POLR1B: variants seen among roughly 807,000 people sequenced by gnomAD.
POLR1B encodes DNA-directed RNA polymerase I subunit RPA2.
Under a neutral mutation model 105.8 loss-of-function variants are expected in POLR1B, and 30 were observed. The observed-to-expected ratio is 0.28, with a 90% CI of 0.21 to 0.38. The LOEUF is 0.38. POLR1B is among the 10% of genes least tolerant of loss of function. The pLI, the probability that POLR1B is intolerant of heterozygous loss-of-function variation, is 1.00. For missense variants in POLR1B, 976 were observed against 1,435.8 expected (o/e 0.68, Z 5.17); for synonymous variants, 485 against 505.1 (o/e 0.96, Z 0.53).
In POLR1B at chr2:112,570,829, A is replaced by G. The variant is rs59587168; in HGVS notation, c.2075-1733A>G. On this transcript the variant is annotated intron_variant, in intron 12 of 14. Coordinates refer to ENST00000263331, the MANE Select transcript of POLR1B (RefSeq NM_019014.6). ...GGTATCGCTCTGTCACCCAGGCTGG[A>G]GTGCAGTGGCACGATCTTGGCTCAC... Among the ~76,000 whole-genome samples the G allele has an allele frequency of 7.1e-3, 1,030 of 145,414 alleles. 14 individuals are homozygous for G. Among genetic ancestry groups the G allele is most frequent in the African/African-American group, 0.025 (976 of 38,902 alleles).
Position 112,576,344 on chromosome 2 carries a change from G to A in POLR1B, c.*615G>A, listed in dbSNP as rs1684855475. The stretch of plus-strand genomic sequence containing the variant: ...TTTTTTGCTTTTTGGTTGCTGTTGA[G>A]TTTTTGTTTTGTCTTCTGTGGTAAG... On this transcript the variant is annotated 3_prime_UTR_variant, in exon 15 of 15. Coordinates refer to ENST00000263331, the MANE Select transcript of POLR1B (RefSeq NM_019014.6). 6.6e-6 allele frequency: 1 copy of A among 152,270 alleles called. No individual in the cohort carries two copies. Among genetic ancestry groups the A allele is most frequent in the East Asian group, 1.9e-4 (1 of 5,196 alleles). The allele number at this position is 152,270 out of a possible 1,614,324, so 9.4% of individuals were successfully genotyped here.
intron 1 of POLR1B, among the ~76,000 whole-genome samples, chr2:112,544,363 C>T (rs1682926266): frequency 1.3e-5 from 2 of 151,952 alleles, no homozygotes; most frequent in Admixed American, 1.3e-4. Context: ...ACCTGGGAGG[C>T]GGAGGTTGCA....
At chr2:112,560,010 C>G (rs1246525814) in intron 9 of POLR1B, among the ~76,000 whole-genome samples, 4 of 151,966 alleles carry the variant, frequency 2.6e-5, no homozygotes, top group African/African-American at 9.7e-5. Flanking sequence ...TTCTTTTTTA[C>G]TCTTCTGTGC....
chr2:112,542,597 T>C lies in POLR1B; in HGVS notation c.103T>C (p.Leu35=). 1 of 1,614,174 alleles carries C rather than the reference T, an allele frequency of 6.2e-7. No individual in the cohort carries two copies. Among genetic ancestry groups the C allele is most frequent in the Non-Finnish European group, 8.5e-7 (1 of 1,180,040 alleles). Residue 35 remains leucine (L), a synonymous_variant, in exon 1 of 15, where the codon TTG becomes CTG. Transcript: ENST00000263331. Reference sequence around the variant, plus strand: ...CCCGCGGGAACAGCAAAAGGCAGCGTTGCAGGAGCTGACGCGGGCGCACGT... The same window carrying C: ...CCCGCGGGAACAGCAAAAGGCAGCGCTGCAGGAGCTGACGCGGGCGCACGT... ...GIPREQQKAA[L]QELTRAHVES...
chr2:112,555,942 G>T (rs1362932213), intron 7 of POLR1B, among the ~76,000 whole-genome samples: 1 of 152,056 alleles, frequency 6.6e-6, no homozygotes, highest in East Asian at 1.9e-4. Flanking sequence ...CATATTTTCT[G>T]TATTATTGTA....
At chr2:112,552,173 A>G (rs1467806428) in intron 6 of POLR1B, among the ~76,000 whole-genome samples, 175 bp downstream of exon 6, 1 of 151,966 alleles carries the variant, frequency 6.6e-6, no homozygotes, top group Non-Finnish European at 1.5e-5. Context: ...CCTCACTTGT[A>G]TTTTTTTAGT....
rs1221356929 is a variant in POLR1B at position 112,542,612 on chromosome 2, C to G, written c.118C>G (p.Arg40Gly). The change falls in exon 1 of 15, where the codon CGG (arginine) becomes GGG (glycine). Residue 40 changes from arginine to glycine, a missense_variant. This residue lies in a region of POLR1B where 452 missense variants were observed against 616.5 expected (regional missense o/e 0.73). Coordinates refer to ENST00000263331, the MANE Select transcript of POLR1B (RefSeq NM_019014.6). ...QQKAALQELT[R>G]AHVESFNYAV... ...AAAGGCAGCGTTGCAGGAGCTGACGCGGGCGCACGTGGAGTCCTTCAACTA... is the reference window on the plus strand; with the variant it reads ...AAAGGCAGCGTTGCAGGAGCTGACGGGGGCGCACGTGGAGTCCTTCAACTA... The G allele has an allele frequency of 6.2e-7, 1 of 1,614,144 alleles. No individual in the cohort carries two copies. The highest frequency in any genetic ancestry group is 8.5e-7 in the Non-Finnish European group (1 of 1,180,038).
chr2:112,555,785 A>C (rs1221068259), intron 7 of POLR1B, among the ~76,000 whole-genome samples: 1 of 152,252 alleles, frequency 6.6e-6, no homozygotes, highest in East Asian at 1.9e-4. Flanking sequence ...CTTACCAGCT[A>C]CGTTAAAGCT....
rs574886861 is a variant in POLR1B, at chr2:112,576,122, A to G, written c.*393A>G. 7 of 165,892 alleles carry G rather than the reference A, an allele frequency of 4.2e-5. No individual in the cohort carries two copies. Among genetic ancestry groups the G allele is most frequent in the Non-Finnish European group, 7.9e-5 (6 of 76,384 alleles). The allele number at this position is 165,892 out of a possible 1,614,324, so 10.3% of individuals were successfully genotyped here. ...AGAATGCAAGCTGTAATGTAATTTT[A>G]TATTTTCTTATAGCCACGTTGAAGT... On this transcript the variant is annotated 3_prime_UTR_variant, in exon 15 of 15. Coordinates refer to ENST00000263331, the MANE Select transcript of POLR1B (RefSeq NM_019014.6).
intron 12 of POLR1B, among the ~76,000 whole-genome samples, chr2:112,571,598 C>T (rs6756251): frequency 0.22 from 34,182 of 152,030 alleles, 4,025 homozygotes; most frequent in Middle Eastern, 0.27. Flanking sequence ...CCCATGCATG[C>T]ATAGTTCAGG....
chr2:112,563,615 C>T (rs1420748803), intron 9 of POLR1B, among the ~76,000 whole-genome samples: 1 of 152,122 alleles, frequency 6.6e-6, no homozygotes, highest in Admixed American at 6.5e-5. Flanking sequence ...GAAACCATTT[C>T]TGCTGGGCAC....
At position 112,575,028 on chromosome 2, in the gene POLR1B, C is replaced by T. The variant is rs1173412747; in HGVS notation, c.2707C>T (p.Pro903Ser). 6.2e-7 allele frequency: 1 copy of T among 1,614,036 alleles called. No homozygotes were observed. Among genetic ancestry groups the T allele is most frequent in the South Asian group, 1.1e-5 (1 of 91,086 alleles). Residue 903 changes from proline to serine, a missense_variant, in exon 15 of 15, where the codon CCT (proline) becomes TCT (serine). Pro to Ser is a moderately conservative substitution (Grantham distance 74, BLOSUM62 -1). Around this residue, in one of 12 missense-constraint regions of POLR1B, gnomAD observed 35 missense variants for 102.5 expected, o/e 0.34. Transcript: ENST00000263331. The surrounding 1 kb of genome is among the most constrained non-coding windows in gnomAD (Gnocchi z 5.3). ...LSRLWPAEDM[P>S]FTESGMVPDI... is the part of the protein sequence containing the mutation. The stretch of plus-strand genomic sequence containing the variant: ...CAGATTGTGGCCGGCTGAGGACATG[C>T]CTTTTACTGAGAGTGGGATGGTCCC...
rs183736497 is a variant in POLR1B at position 112,558,967 on chromosome 2, G to A, written c.1331-326G>A. On this transcript the variant is annotated intron_variant, in intron 8 of 14. Transcript: ENST00000263331. ...GTTACTGTTGCCGATTCTTTCATTA[G>A]CCTGCTTTCTTGCTTGTCTATTATC... 4.1e-3 allele frequency among the ~76,000 whole-genome samples: 604 copies of A among 147,822 alleles called. 4 individuals carry two copies. The highest frequency in any genetic ancestry group is 0.01 in the Middle Eastern group (3 of 290).
At chr2:112,553,183 G>A (rs569148383) in intron 7 of POLR1B, among the ~76,000 whole-genome samples, 3 of 152,170 alleles carry the variant, frequency 2.0e-5, no homozygotes, top group Non-Finnish European at 4.4e-5. Context: ...GTGCTTTCAT[G>A]ATTATTCACA....
At chr2:112,546,518 TGAAGTTATGAGTA>T (rs1466482111) in intron 1 of POLR1B, among the ~76,000 whole-genome samples, 1 of 148,826 alleles carries the variant, frequency 6.7e-6, no homozygotes, top group African/African-American at 2.5e-5. Flanking sequence ...AAGTATTTAG[TGAAGTTATGAGTA>T]GACTGGAGGT....
chr2:112,549,077 T>C (rs1683222100), intron 3 of POLR1B, among the ~76,000 whole-genome samples, 190 bp from the exon 4 acceptor site: 1 of 152,238 alleles, frequency 6.6e-6, no homozygotes, highest in Non-Finnish European at 1.5e-5. Flanking sequence ...AGGACCTTTG[T>C]AATATACTTG....
Position 112,575,143 on chromosome 2 carries a change from A to G in POLR1B, c.2822A>G (p.His941Arg). The G allele has an allele frequency of 6.2e-7, 1 of 1,614,140 alleles. No individual in the cohort carries two copies. Among genetic ancestry groups the G allele is most frequent in the Non-Finnish European group, 8.5e-7 (1 of 1,180,032 alleles). Residue 941 changes from histidine to arginine, a missense_variant, in exon 15 of 15, where the codon CAT becomes CGT. Physicochemically the swap from His to Arg is conservative, Grantham distance 29 (BLOSUM62 0). Coordinates refer to ENST00000263331, the MANE Select transcript of POLR1B (RefSeq NM_019014.6). The surrounding 1 kb of genome is among the most constrained non-coding windows in gnomAD (Gnocchi z 5.3). ...ESMAGKSAAL[H>R]GLCHDATPFI... ...ATGGCCGGGAAGTCTGCAGCTTTGC[A>G]TGGTCTCTGCCATGATGCTACACCC...
intron 1 of POLR1B, among the ~76,000 whole-genome samples, chr2:112,546,640 C>T (rs1405091293): frequency 7.2e-6 from 1 of 138,640 alleles, no homozygotes; most frequent in African/African-American, 2.7e-5. Flanking sequence ...CTGCTCACTG[C>T]AGGCTCTGCC....
chr2:112,545,715 C>T, intron 1 of POLR1B: 1 of 208,862 alleles, frequency 4.8e-6, no homozygotes, highest in South Asian at 5.0e-5. Context: ...TTATAGCTCA[C>T]TGCAGCCTCG....
Sources: gnomAD v4.1 joint callset for allele counts (sites outside exome capture counted in the v4.1 genomes callset) on GRCh38, gnomAD v4.1.1 for gene constraint, gnomAD v4.1.1 regional missense constraint, Gnocchi (gnomAD v3.1) non-coding constraint, MANE v1.5 for transcripts, NCBI Gene and HGNC (gene_info 2026-07-23, HGNC 2026-07-21) for gene names.